Variants in DNAJC15 observed in about 807,000 individuals in gnomAD.
The protein encoded by DNAJC15 is dnaJ homolog subfamily C member 15.
A neutral mutation model predicts 22.4 loss-of-function variants in DNAJC15; 27 were observed. The observed-to-expected ratio is 1.20, with a 90% CI of 0.89 to 1.66. DNAJC15 has a LOEUF of 1.66. Among genes scored for constraint, DNAJC15 ranks in the 40% most tolerant of loss-of-function variants. The pLI is 0.00. For missense variants in DNAJC15, 208 were observed against 187.1 expected, an observed-to-expected ratio of 1.11 and a Z score of -0.65; for synonymous variants, 79 against 63.2, an observed-to-expected ratio of 1.25 and a Z score of -1.19.
chr13:43,030,488 A>T (rs557613373), intron 1 of DNAJC15, among the ~76,000 whole-genome samples: 1 of 152,230 alleles, frequency 6.6e-6, no homozygotes, highest in South Asian at 2.1e-4. Context: ...GTGGCTATTT[A>T]TGAAAACAGT....
chr13:43,036,235 A>G (rs1447887073), intron 1 of DNAJC15, among the ~76,000 whole-genome samples: 2 of 141,922 alleles, frequency 1.4e-5, no homozygotes, highest in Non-Finnish European at 3.0e-5. Context: ...ATGCAATCTC[A>G]GCTCACTGCA....
At chr13:43,055,241 TA>T (rs541648843) in intron 1 of DNAJC15, among the ~76,000 whole-genome samples, 90 of 144,722 alleles carry the variant, frequency 6.2e-4, no homozygotes, top group East Asian at 1.4e-3. Context: ...TGAGAGCTGA[TA>T]AAAAAAAAAA....
intron 1 of DNAJC15, among the ~76,000 whole-genome samples, chr13:43,025,910 A>C (rs2040378706): frequency 6.6e-6 from 1 of 152,254 alleles, no homozygotes; most frequent in African/African-American, 2.4e-5. Flanking sequence ...TCTCAAAAAA[A>C]AGAAAATAAC....
intron 5 of DNAJC15, among the ~76,000 whole-genome samples, chr13:43,100,450 A>T (rs2040762128): frequency 6.6e-6 from 1 of 151,780 alleles, no homozygotes; most frequent in Admixed American, 6.6e-5. Context: ...AGATTAAGTG[A>T]TCCGTGCCCC....
chr13:43,090,521 G>T (rs1303095321), intron 5 of DNAJC15, among the ~76,000 whole-genome samples: 3 of 151,948 alleles, frequency 2.0e-5, no homozygotes, highest in Non-Finnish European at 2.9e-5. Flanking sequence ...CTTAGGCAAA[G>T]ATTTCCTATA....
chr13:43,061,219 T>C (rs2040557495), intron 1 of DNAJC15, among the ~76,000 whole-genome samples: 1 of 152,134 alleles, frequency 6.6e-6, no homozygotes, highest in Non-Finnish European at 1.5e-5. Context: ...CCAAGAACTA[T>C]TTGCCTTGTG....
intron 3 of DNAJC15, among the ~76,000 whole-genome samples, chr13:43,073,569 G>A (rs1332384100): frequency 6.6e-6 from 1 of 152,136 alleles, no homozygotes; most frequent in Admixed American, 6.5e-5. Flanking sequence ...AATAAGTTTC[G>A]CTGATTTTTT....
rs889038420 is a variant in DNAJC15, at chr13:43,113,325, G to A, written c.*6077G>A. The stretch of plus-strand genomic sequence containing the variant: ...GAAAGGGAATTTCAGTACTTTTATA[G>A]AATTCTTAAAAATTGTTTCCTGCTG... On this transcript the variant is annotated 3_prime_UTR_variant, in exon 6 of 6. Transcript: ENST00000379221. The A allele has an allele frequency of 6.6e-6, 1 of 152,308 alleles. No individual in the cohort carries two copies. The highest frequency in any genetic ancestry group is 2.1e-4 in the South Asian group (1 of 4,834). 9.4% of individuals were successfully genotyped at this position (152,308 alleles called of 1,614,324 possible). A position where few individuals can be genotyped will look rare whatever the true frequency, so the allele number is the denominator to read the frequency against.
chr13:43,047,815 G>A (rs1289873768), intron 1 of DNAJC15, among the ~76,000 whole-genome samples: 1 of 152,164 alleles, frequency 6.6e-6, no homozygotes, highest in Non-Finnish European at 1.5e-5. Context: ...TAAAAGTTTA[G>A]TACGAGCCAT....
chr13:43,024,983 C>T (rs1365544375), intron 1 of DNAJC15, among the ~76,000 whole-genome samples: 1 of 150,286 alleles, frequency 6.7e-6, no homozygotes, highest in Non-Finnish European at 1.5e-5. Flanking sequence ...ATCACTTGAG[C>T]CCAGGAGTTG....
chr13:43,095,294 G>GTAT (rs2040734296), intron 5 of DNAJC15, among the ~76,000 whole-genome samples: 1 of 152,192 alleles, frequency 6.6e-6, no homozygotes, highest in Admixed American at 6.5e-5. Context: ...AGGAAATTTA[G>GTAT]TATTTCCCCT....
intron 1 of DNAJC15, among the ~76,000 whole-genome samples, chr13:43,061,906 A>G (rs186287523): frequency 2.8e-4 from 43 of 152,310 alleles, no homozygotes; most frequent in Middle Eastern, 6.8e-3. Flanking sequence ...AGATTAGCCT[A>G]CCTGTCATGT....
intron 1 of DNAJC15, among the ~76,000 whole-genome samples, chr13:43,044,851 G>T (rs1421317856): frequency 1.3e-5 from 2 of 151,856 alleles, no homozygotes; most frequent in Non-Finnish European, 2.9e-5. Context: ...TGTAGCCCAA[G>T]TGACCATTAT....
At chr13:43,061,347 A>G (rs1160270183) in intron 1 of DNAJC15, among the ~76,000 whole-genome samples, 1 of 152,206 alleles carries the variant, frequency 6.6e-6, no homozygotes, top group African/African-American at 2.4e-5. Context: ...CCTTATCAGC[A>G]TAAGCATTGT....
intron 5 of DNAJC15, among the ~76,000 whole-genome samples, chr13:43,092,593 G>C (rs989043229): frequency 1.3e-5 from 2 of 151,592 alleles, no homozygotes; most frequent in African/African-American, 4.9e-5. Context: ...CTTTTAGCTG[G>C]TTCTGTTTTT....
intron 1 of DNAJC15, among the ~76,000 whole-genome samples, chr13:43,058,916 A>G (rs559643812): frequency 6.6e-6 from 1 of 152,284 alleles, no homozygotes; most frequent in South Asian, 2.1e-4. Context: ...GTGAGGATGC[A>G]TGTTCAGAGG....
At chr13:43,084,993 A>G (rs1335628499) in intron 4 of DNAJC15, among the ~76,000 whole-genome samples, 5 of 152,224 alleles carry the variant, frequency 3.3e-5, no homozygotes, top group Admixed American at 3.3e-4. Context: ...CCTGTTTTAC[A>G]GTGAGGAAAC....
chr13:43,058,660 T>A (rs1296092552), intron 1 of DNAJC15, among the ~76,000 whole-genome samples: 1 of 152,188 alleles, frequency 6.6e-6, no homozygotes, highest in Non-Finnish European at 1.5e-5. Flanking sequence ...CCAGGAAAAT[T>A]CATGCTCAAT....
Position 43,114,075 on chromosome 13 carries a change from C to G in DNAJC15, c.*6827C>G, listed in dbSNP as rs113182038. ...TTTTAAAATCCAATATGTGAAAATACGGATGCACTACAATTAAATAAATAA... is the reference window on the plus strand; with the variant it reads ...TTTTAAAATCCAATATGTGAAAATAGGGATGCACTACAATTAAATAAATAA... On this transcript the variant is annotated 3_prime_UTR_variant, in exon 6 of 6. Coordinates refer to ENST00000379221, the MANE Select transcript of DNAJC15 (RefSeq NM_013238.3). 3.3e-5 allele frequency: 5 copies of G among 152,104 alleles called. No individual in the cohort carries two copies. Among genetic ancestry groups the G allele is most frequent in the African/African-American group, 1.2e-4 (5 of 41,408 alleles). 9.4% of individuals were successfully genotyped at this position (152,104 alleles called of 1,614,324 possible). A position where few individuals can be genotyped will look rare whatever the true frequency, so the allele number is the denominator to read the frequency against.
Sources: allele counts gnomAD v4.1 joint callset (sites outside exome capture counted in the v4.1 genomes callset), GRCh38; gene constraint gnomAD v4.1.1; transcripts MANE v1.5; gene names NCBI Gene and HGNC (gene_info 2026-07-23, HGNC 2026-07-21).